Variants in TAPBP observed in about 807,000 individuals in gnomAD.
The protein encoded by TAPBP is tapasin.
A neutral mutation model predicts 45.7 loss-of-function variants in TAPBP; 38 were observed. The ratio of observed to expected loss-of-function variants is 0.83; its 90% CI spans 0.64 to 1.09. The LOEUF (loss-of-function observed/expected upper bound fraction) is 1.09, where lower values mean the gene tolerates loss of function less well. TAPBP is among the 50% of genes least tolerant of loss of function. TAPBP has a pLI of 0.00. For missense variants in TAPBP, 513 were observed against 587.3 expected, an observed-to-expected ratio of 0.87 and a Z score of 1.31; for synonymous variants, 226 against 254.8, an observed-to-expected ratio of 0.89 and a Z score of 1.08.
At chr6:33,303,763 G>A in intron 7 of TAPBP, 192 bp downstream of exon 7, 4 of 1,552,068 alleles carry the variant, frequency 2.6e-6, no homozygotes, top group Non-Finnish European at 3.5e-6. Flanking sequence ...TACACCCAAG[G>A]AAACATATAG....
intron 3 of TAPBP, among the ~76,000 whole-genome samples, chr6:33,306,878 C>A (rs566277552): frequency 6.7e-6 from 1 of 149,102 alleles, no homozygotes; most frequent in African/African-American, 2.5e-5. Context: ...CTCGGGAGAC[C>A]GAGGCAGTAG....
chr6:33,307,013 C>T (rs538564010), intron 3 of TAPBP, among the ~76,000 whole-genome samples: 6 of 148,592 alleles, frequency 4.0e-5, no homozygotes. Context: ...TACGGCCAGG[C>T]GTGGTGGCTC....
At position 33,305,231 on chromosome 6, in the gene TAPBP, T is replaced by C. The variant is rs757824323; in HGVS notation, c.626A>G (p.Gln209Arg). The C allele has an allele frequency of 6.2e-7, 1 of 1,613,396 alleles. No individual in the cohort carries two copies. Among genetic ancestry groups the C allele is most frequent in the Non-Finnish European group, 8.5e-7 (1 of 1,179,550 alleles). Reference protein sequence around the residue: ...PPPFGLEWRRQHLGKGHLLLA... With the variant: ...PPPFGLEWRRRHLGKGHLLLA... ...GAGCAGATGTCCCTTACCCAGGTGC[T>C]GGCGTCGCCACTCTAGCCCAAAGGG... The change falls in exon 4 of 8, where the codon CAG becomes CGG. Residue 209 changes from glutamine (Q) to arginine (R), a missense_variant. Physicochemically the swap from Gln to Arg is conservative, Grantham distance 43. Transcript: ENST00000434618. The surrounding 1 kb of genome is among the most constrained non-coding windows in gnomAD (Gnocchi z 4.4).
At chr6:33,301,876 A>G in intron 7 of TAPBP, 105 bp from the exon 8 acceptor site, 1 of 1,535,252 alleles carries the variant, frequency 6.5e-7, no homozygotes, top group Admixed American at 1.7e-5. Context: ...AGATGATGGG[A>G]GAAGGATGAG....
intron 6 of TAPBP, 59 bp from the exon 7 acceptor site, chr6:33,304,048 G>C: frequency 6.2e-7 from 1 of 1,612,456 alleles, no homozygotes; most frequent in Non-Finnish European, 8.5e-7. Flanking sequence ...GAGGGCAGAG[G>C]GATGGGTGTC....
intron 7 of TAPBP, 119 bp downstream of exon 7, chr6:33,303,836 A>T: frequency 2.5e-6 from 4 of 1,601,996 alleles, no homozygotes; most frequent in Non-Finnish European, 3.4e-6. Context: ...AACCCAGATC[A>T]GTGTGAATTC....
chr6:33,303,875 C>T, intron 7 of TAPBP, 80 bp downstream of exon 7: 1 of 1,613,678 alleles, frequency 6.2e-7, no homozygotes, highest in Non-Finnish European at 8.5e-7. Flanking sequence ...ACCACACCAG[C>T]AGCCTCCCTC....
In TAPBP at chr6:33,304,491, C is replaced by T. The variant is rs781098067; in HGVS notation, c.1016G>A (p.Arg339His). ...CCTCTGCCCCTCGGCCTTCTGAGAG[C>T]GGCCCCCTGGGCCACCCCGGAGTTC... ...EWELRGGPGG[R>H]SQKAEGQRWL... Residue 339 changes from arginine (R) to histidine (H), a missense_variant, in exon 5 of 8, where the codon CGC becomes CAC. Transcript: ENST00000434618. The T allele has an allele frequency of 9.3e-6, 15 of 1,612,888 alleles. No individual in the cohort carries two copies. Among genetic ancestry groups the T allele is most frequent in the African/African-American group, 2.7e-5 (2 of 74,890 alleles).
intron 3 of TAPBP, among the ~76,000 whole-genome samples, chr6:33,306,365 A>G (rs1487016051): frequency 2.6e-5 from 4 of 152,228 alleles, no homozygotes; most frequent in African/African-American, 9.6e-5. Context: ...TTCAGCAACT[A>G]TTGAGCACTG....
At chr6:33,310,387 T>A (rs952685279) in intron 3 of TAPBP, among the ~76,000 whole-genome samples, 1 of 149,190 alleles carries the variant, frequency 6.7e-6, no homozygotes, top group Admixed American at 6.7e-5. Context: ...GCGCCTGTAG[T>A]CTCAGCTACT....
In TAPBP at chr6:33,305,798, C is replaced by T. The variant is rs1046975061; in HGVS notation, c.470-411G>A. ...TTACAGGCGAAGACAATGATTGAGC[C>T]ATGACTGTCAGTCTTGTGGTGCTGT... On this transcript the variant is annotated intron_variant, in intron 3 of 7. Coordinates refer to ENST00000434618, the MANE Select transcript of TAPBP (RefSeq NM_003190.5). This position sits in a 1 kb window ranked among gnomAD's most constrained non-coding sequence, Gnocchi z 4.4. Among the ~76,000 whole-genome samples the T allele has an allele frequency of 6.6e-6, 1 of 152,214 alleles. No individual in the cohort carries two copies. Among genetic ancestry groups the T allele is most frequent in the Non-Finnish European group, 1.5e-5 (1 of 68,028 alleles).
At position 33,302,368 on chromosome 6, in the gene TAPBP, A is replaced by G. The variant is rs534765385; in HGVS notation, c.1336-597T>C. Among the ~76,000 whole-genome samples the G allele has an allele frequency of 2.6e-5, 4 of 152,176 alleles. No homozygotes were observed. The East Asian group carries it at 5.8e-4, about 22-fold the overall frequency. ...GAGACAGAGCCTCACTCTGTTGCCCAGGCTGGAGTGCAGTGGTGCGATCTC... is the reference window on the plus strand; with the variant it reads ...GAGACAGAGCCTCACTCTGTTGCCCGGGCTGGAGTGCAGTGGTGCGATCTC... On this transcript the variant is annotated intron_variant, in intron 7 of 7. Transcript: ENST00000434618.
chr6:33,304,948 G>A, intron 4 of TAPBP, 41 bp downstream of exon 4: 1 of 1,606,464 alleles, frequency 6.2e-7, no homozygotes, highest in Non-Finnish European at 8.5e-7. Flanking sequence ...ACAATCCAGT[G>A]CCCACCCTCT....
rs1355884723 is a variant in TAPBP at position 33,301,637 on chromosome 6, A to C, written c.*123T>G. On this transcript the variant is annotated 3_prime_UTR_variant, in exon 8 of 8. Coordinates refer to ENST00000434618, the MANE Select transcript of TAPBP (RefSeq NM_003190.5). ...TGAAAGAAAAAAAAAAAAGCATTCC[A>C]GCCACTCAGTGGAGAGAGATTGGAG... The C allele has an allele frequency of 5.8e-5, 47 of 816,458 alleles. No homozygotes were observed. Among genetic ancestry groups the C allele is most frequent in the South Asian group, 3.6e-4 (22 of 60,604 alleles). The allele number at this position is 816,458 out of a possible 1,614,324, so 50.6% of individuals were successfully genotyped here.
chr6:33,305,379 T>G lies in TAPBP; in HGVS notation c.478A>C (p.Thr160Pro). ...GGGGCAGGGGTGTGGGTGAGGACAGTCAGTACCACTGAGGAAGACAGGGAG... is the reference window on the plus strand; with the variant it reads ...GGGGCAGGGGTGTGGGTGAGGACAGGCAGTACCACTGAGGAAGACAGGGAG... ...VLITMATVVL[T>P]VLTHTPAPRV... Residue 160 changes from threonine to proline, a missense_variant, in exon 4 of 8, where the codon ACT becomes CCT. Physicochemically the swap from Thr to Pro is conservative, Grantham distance 38 (BLOSUM62 -1). Transcript: ENST00000434618. This position sits in a 1 kb window ranked among gnomAD's most constrained non-coding sequence, Gnocchi z 4.4. The G allele has an allele frequency of 6.6e-7, 1 of 1,518,174 alleles. No individual in the cohort carries two copies. Among genetic ancestry groups the G allele is most frequent in the Non-Finnish European group, 8.8e-7 (1 of 1,135,220 alleles). 94.0% of individuals were successfully genotyped at this position (1,518,174 alleles called of 1,614,324 possible). A position where few individuals can be genotyped will look rare whatever the true frequency, so the allele number is the denominator to read the frequency against.
intron 3 of TAPBP, among the ~76,000 whole-genome samples, chr6:33,306,870 C>T (rs909667058): frequency 8.0e-5 from 12 of 150,816 alleles, no homozygotes; most frequent in African/African-American, 2.4e-4. Flanking sequence ...CCCAGCTACT[C>T]GGGAGACCGA....
Position 33,305,215 on chromosome 6 carries a change from T to C in TAPBP, c.642A>G (p.Gly214=). The change falls in exon 4 of 8, where the codon GGA becomes GGG. Residue 214 remains glycine, a synonymous_variant. Transcript: ENST00000434618. This position sits in a 1 kb window ranked among gnomAD's most constrained non-coding sequence, Gnocchi z 4.4. ...LEWRRQHLGK[G]HLLLAATPGL... is the part of the protein sequence containing the mutation. ...CAGGAGTTGCAGCCAGGAGCAGATGTCCCTTACCCAGGTGCTGGCGTCGCC... is the reference window on the plus strand; with the variant it reads ...CAGGAGTTGCAGCCAGGAGCAGATGCCCCTTACCCAGGTGCTGGCGTCGCC... 5 of 1,613,886 alleles carry C rather than the reference T, an allele frequency of 3.1e-6. No homozygotes were observed. The highest frequency in any genetic ancestry group is 4.2e-6 in the Non-Finnish European group (5 of 1,179,878).
chr6:33,303,292 G>T (rs1768711766), intron 7 of TAPBP, among the ~76,000 whole-genome samples: 1 of 152,146 alleles, frequency 6.6e-6, no homozygotes, highest in Non-Finnish European at 1.5e-5. Context: ...GGTGGTGGGT[G>T]CCTGTAATCC....
intron 4 of TAPBP, 37 bp downstream of exon 4, chr6:33,304,952 A>G: frequency 6.2e-7 from 1 of 1,607,786 alleles, no homozygotes; most frequent in Non-Finnish European, 8.5e-7. Flanking sequence ...TCCAGTGCCC[A>G]CCCTCTACCC....
Sources: allele counts gnomAD v4.1 joint callset (sites outside exome capture counted in the v4.1 genomes callset), GRCh38; gene constraint gnomAD v4.1.1; non-coding constraint Gnocchi (gnomAD v3.1); transcripts MANE v1.5; gene names NCBI Gene and HGNC (gene_info 2026-07-23, HGNC 2026-07-21).